KIAA1755: variants seen among roughly 807,000 people sequenced by gnomAD.
KIAA1755 encodes uncharacterized protein KIAA1755.
KIAA1755 carries 68 observed loss-of-function variants against 91.7 expected under a neutral mutation model. The observed-to-expected ratio is 0.74, with a 90% CI of 0.61 to 0.91. KIAA1755 has a LOEUF of 0.91. Ranked by LOEUF, KIAA1755 falls within the 40% of genes least tolerant of loss-of-function variation. KIAA1755 has a pLI of 0.00. For missense variants in KIAA1755, 1,535 were observed against 1,494.4 expected (o/e 1.03, Z -0.45); for synonymous variants, 610 against 604.6 (o/e 1.01, Z -0.13).
chr20:38,215,802 CTCT>C (rs1261746327), intron 13 of KIAA1755, among the ~76,000 whole-genome samples: 1 of 152,194 alleles, frequency 6.6e-6, no homozygotes, highest in African/African-American at 2.4e-5. Context: ...GGCACTACTC[CTCT>C]TCTTCCTCCT....
intron 1 of KIAA1755, among the ~76,000 whole-genome samples, chr20:38,253,440 T>C (rs1225862627): frequency 6.6e-6 from 1 of 152,168 alleles, no homozygotes; most frequent in Non-Finnish European, 1.5e-5. Context: ...GATGCCTTTT[T>C]ACCTATGTAT....
At position 38,241,906 on chromosome 20, in the gene KIAA1755, G is replaced by C. The variant is rs763105696; in HGVS notation, c.225C>G (p.Phe75Leu). 6.2e-7 allele frequency: 1 copy of C among 1,613,394 alleles called. No individual in the cohort carries two copies. Among genetic ancestry groups the C allele is most frequent in the Non-Finnish European group, 8.5e-7 (1 of 1,179,876 alleles). The change falls in exon 3 of 14, where the codon TTC becomes TTG. Residue 75 changes from phenylalanine to leucine, a missense_variant. Phe to Leu is a conservative substitution (Grantham distance 22). Coordinates refer to ENST00000279024, the MANE Select transcript of KIAA1755 (RefSeq NM_001029864.2). ...AACAPYSHCL[F>L]LHEGWPLCLR... ...GACAGAGTGGCCAGCCCTCGTGTAA[G>C]AAGAGGCAGTGTGAGTAGGGAGCCT...
chr20:38,215,428 G>A (rs1340636809), intron 13 of KIAA1755, among the ~76,000 whole-genome samples: 2 of 152,158 alleles, frequency 1.3e-5, no homozygotes, highest in East Asian at 3.9e-4. Context: ...GGACCAACTC[G>A]AACCCAGTCC....
chr20:38,213,154 G>A lies in KIAA1755; in HGVS notation c.3491C>T (p.Pro1164Leu). The A allele has an allele frequency of 6.2e-7, 1 of 1,613,592 alleles. No individual in the cohort carries two copies. Among genetic ancestry groups the A allele is most frequent in the Non-Finnish European group, 8.5e-7 (1 of 1,179,820 alleles). The stretch of plus-strand genomic sequence containing the variant: ...GAGGCGAGGGACCTGGCTCTGCCTG[G>A]GGGGCTGCTGCCGGAAGAAGGTGGT... ...LATTFFRQQP[P>L]RQSQVPRLTG... Residue 1164 changes from proline (P) to leucine (L), a missense_variant, in exon 14 of 14, where the codon CCC (proline) becomes CTC (leucine). Physicochemically the swap from Pro to Leu is moderately conservative, Grantham distance 98. Transcript: ENST00000279024.
Position 38,241,740 on chromosome 20 carries a change from C to A in KIAA1755, c.391G>T (p.Val131Leu). Reference protein sequence around the residue: ...IKCLSLDLCTVDKKPVPEPAY... With the variant: ...IKCLSLDLCTLDKKPVPEPAY... ...GGCTCTGGAACAGGCTTCTTGTCCA[C>A]TGTGCAGAGGTCCAGGGAGAGGCAT... The change falls in exon 3 of 14, where the codon GTG becomes TTG. Residue 131 changes from valine (V) to leucine (L), a missense_variant. Coordinates refer to ENST00000279024, the MANE Select transcript of KIAA1755 (RefSeq NM_001029864.2). The A allele has an allele frequency of 6.2e-7, 1 of 1,614,216 alleles. No homozygotes were observed. The highest frequency in any genetic ancestry group is 8.5e-7 in the Non-Finnish European group (1 of 1,180,034).
chr20:38,230,476 T>C (rs1008096084), intron 5 of KIAA1755, among the ~76,000 whole-genome samples: 36 of 152,182 alleles, frequency 2.4e-4, no homozygotes, highest in African/African-American at 8.0e-4. Context: ...ACCGGGAAAT[T>C]TGTTACAAAT....
Position 38,227,185 on chromosome 20 carries a change from G to A in KIAA1755, c.2021C>T (p.Ala674Val), listed in dbSNP as rs1353255001. The A allele has an allele frequency of 6.2e-7, 1 of 1,613,990 alleles. No homozygotes were observed. The highest frequency in any genetic ancestry group is 1.3e-5 in the African/African-American group (1 of 75,038). The change falls in exon 7 of 14, where the codon GCT (alanine) becomes GTT (valine). Residue 674 changes from alanine (A) to valine (V), a missense_variant. By Grantham distance (64) the Ala-to-Val change is moderately conservative. Coordinates refer to ENST00000279024, the MANE Select transcript of KIAA1755 (RefSeq NM_001029864.2). ...AILFLGEKEA[A>V]LQLQTLPDVQ... ...GTCAGGTAATGTCTGCAGCTGGAGAGCCGCCTCCTTCTCCCCCAGGAAGAG... is the reference window on the plus strand; with the variant it reads ...GTCAGGTAATGTCTGCAGCTGGAGAACCGCCTCCTTCTCCCCCAGGAAGAG...
chr20:38,249,151 G>A (rs2076205352), intron 1 of KIAA1755, among the ~76,000 whole-genome samples: 1 of 152,146 alleles, frequency 6.6e-6, no homozygotes, highest in Non-Finnish European at 1.5e-5. Flanking sequence ...GCTGGGATTA[G>A]AGGCATGAAC....
intron 6 of KIAA1755, 61 bp from the exon 7 acceptor site, chr20:38,227,301 T>G: frequency 7.6e-7 from 1 of 1,313,854 alleles, no homozygotes. Context: ...CTCACACACT[T>G]TGATTTCCTC....
intron 4 of KIAA1755, among the ~76,000 whole-genome samples, chr20:38,234,520 G>A (rs2075923256): frequency 6.6e-6 from 1 of 152,210 alleles, no homozygotes; most frequent in Non-Finnish European, 1.5e-5. Context: ...TGAAGGAATG[G>A]AGGGTTAGAG....
chr20:38,213,730 T>C lies in KIAA1755; in HGVS notation c.2915A>G (p.His972Arg). 6.8e-7 allele frequency: 1 copy of C among 1,476,844 alleles called. No individual in the cohort carries two copies. Among genetic ancestry groups the C allele is most frequent in the Non-Finnish European group, 9.0e-7 (1 of 1,114,000 alleles). 91.5% of individuals were successfully genotyped at this position (1,476,844 alleles called of 1,614,324 possible). Residue 972 changes from histidine (H) to arginine (R), a missense_variant, in exon 14 of 14, where the codon CAC becomes CGC. Transcript: ENST00000279024. ...HRFCKRMTWF[H>R]MDCQDLMAQL... Reference sequence around the variant, plus strand: ...GGCCATCAGGTCCTGACAGTCCATGTGGAACCAGGTCATCTGGGGGACAAG... The same window carrying C: ...GGCCATCAGGTCCTGACAGTCCATGCGGAACCAGGTCATCTGGGGGACAAG...
Position 38,217,244 on chromosome 20 carries a change from G to A in KIAA1755, c.2901+9C>T, listed in dbSNP as rs373596793. 23 of 1,587,864 alleles carry A rather than the reference G, an allele frequency of 1.4e-5. No homozygotes were observed. The highest frequency in any genetic ancestry group is 6.8e-5 in the East Asian group (3 of 44,080). ...GGGGGTATCTGTGCAGGTGGGCCGCGGGGCTCACCCTCTTGCAGAAGCGGT... is the reference window on the plus strand; with the variant it reads ...GGGGGTATCTGTGCAGGTGGGCCGCAGGGCTCACCCTCTTGCAGAAGCGGT... On this transcript the variant is annotated intron_variant, in intron 13 of 13. Transcript: ENST00000279024.
intron 2 of KIAA1755, among the ~76,000 whole-genome samples, chr20:38,243,994 T>C (rs1184152497): frequency 1.3e-5 from 2 of 152,268 alleles, no homozygotes; most frequent in East Asian, 1.9e-4. Context: ...AGTGATGAGC[T>C]TGGATTTGAA....
chr20:38,246,043 C>T lies in KIAA1755; in HGVS notation c.87G>A (p.Leu29=), dbSNP rs775776672. ...AGTCCAGGAGACGGAACACCTGACCCAGGACGGTGGGTGCTGTGGCCTCGA... is the reference window on the plus strand; with the variant it reads ...AGTCCAGGAGACGGAACACCTGACCTAGGACGGTGGGTGCTGTGGCCTCGA... ...PPFEATAPTV[L]GQVFRLLDSG... is the part of the protein sequence containing the mutation. The change falls in exon 2 of 14, where the codon CTG becomes CTA. Residue 29 remains leucine (L), a synonymous_variant. Coordinates refer to ENST00000279024, the MANE Select transcript of KIAA1755 (RefSeq NM_001029864.2). The T allele has an allele frequency of 2.8e-5, 45 of 1,614,064 alleles. No homozygotes were observed. Among genetic ancestry groups the T allele is most frequent in the Non-Finnish European group, 3.7e-5 (44 of 1,180,034 alleles).
Position 38,241,853 on chromosome 20 carries a change from G to T in KIAA1755, c.278C>A (p.Ala93Glu). 1 of 1,614,086 alleles carries T rather than the reference G, an allele frequency of 6.2e-7. No homozygotes were observed. Among genetic ancestry groups the T allele is most frequent in the Non-Finnish European group, 8.5e-7 (1 of 1,180,016 alleles). ...CLRDEVVVHL[A>E]PLNPLLLRQG... ...GCGCAATAAGAGAGGGTTGAGGGGT[G>T]CCAAGTGGACCACAACTTCATCCCT... The change falls in exon 3 of 14, where the codon GCA becomes GAA. Residue 93 changes from alanine (A) to glutamate (E), a missense_variant. Coordinates refer to ENST00000279024, the MANE Select transcript of KIAA1755 (RefSeq NM_001029864.2).
intron 1 of KIAA1755, among the ~76,000 whole-genome samples, chr20:38,248,598 A>G (rs1215369895): frequency 3.3e-5 from 5 of 152,132 alleles, no homozygotes; most frequent in African/African-American, 1.2e-4. Context: ...AGGCACAAAC[A>G]GGTGCTTCAT....
At chr20:38,224,095 T>C (rs2075712590) in intron 8 of KIAA1755, among the ~76,000 whole-genome samples, 1 of 152,158 alleles carries the variant, frequency 6.6e-6, no homozygotes, top group African/African-American at 2.4e-5. Context: ...GCAAGTTACT[T>C]AACCTCTCTG....
rs371860838 is a variant in KIAA1755, at chr20:38,217,491, G to A, written c.2680-17C>T. On this transcript the variant is annotated splice_polypyrimidine_tract_variant and intron_variant, in intron 12 of 13. Transcript: ENST00000279024. Reference sequence around the variant, plus strand: ...GTACTGGGCCTGAGAGGGGAGAGGAGGGGGCGCCCACTCAGCACCCACCTT... The same window carrying A: ...GTACTGGGCCTGAGAGGGGAGAGGAAGGGGCGCCCACTCAGCACCCACCTT... The A allele has an allele frequency of 1.7e-5, 26 of 1,571,740 alleles. No homozygotes were observed. Among genetic ancestry groups the A allele is most frequent in the Non-Finnish European group, 2.2e-5 (25 of 1,155,636 alleles).
At chr20:38,224,888 C>T (rs2075727630) in intron 8 of KIAA1755, among the ~76,000 whole-genome samples, 1 of 152,192 alleles carries the variant, frequency 6.6e-6, no homozygotes, top group South Asian at 2.1e-4. Context: ...AGGAGCCCAA[C>T]ACTGGCGGCT....
Sources: allele counts gnomAD v4.1 joint callset (sites outside exome capture counted in the v4.1 genomes callset), GRCh38; gene constraint gnomAD v4.1.1; transcripts MANE v1.5; gene names NCBI Gene and HGNC (gene_info 2026-07-23, HGNC 2026-07-21).